NME7: variants seen among roughly 807,000 people sequenced by gnomAD.
NME7 encodes nucleoside diphosphate kinase 7.
In NME7, 41 loss-of-function variants were observed where a neutral mutation model predicts 49.1. The observed-to-expected ratio is 0.83, with a 90% confidence interval of 0.65 to 1.08. The LOEUF is 1.08. Among genes scored for constraint, NME7 ranks in the 50% least tolerant of loss-of-function variants. The pLI, the probability that NME7 is intolerant of heterozygous loss-of-function variation, is 0.00. For missense variants in NME7, 423 were observed against 463.4 expected (o/e 0.91, Z 0.80); for synonymous variants, 139 against 150.6 (o/e 0.92, Z 0.56).
chr1:169,256,966 A>C lies in NME7; in HGVS notation c.755-19279T>G. Among the ~76,000 whole-genome samples the C allele has an allele frequency of 2.4e-5, 3 of 126,510 alleles. 1 individual carries two copies. Among genetic ancestry groups the C allele is most frequent in the Non-Finnish European group, 3.7e-5 (2 of 53,974 alleles). 83.0% of individuals were successfully genotyped at this position (126,510 alleles called of 152,430 possible). The stretch of plus-strand genomic sequence containing the variant: ...GCTGGGAGAACCACTGCTCTCTTCA[A>C]AGCTGTCAGACAGCGACATTTAAGT... On this transcript the variant is annotated intron_variant, in intron 7 of 11. Coordinates refer to ENST00000367811, the MANE Select transcript of NME7 (RefSeq NM_013330.5).
intron 10 of NME7, among the ~76,000 whole-genome samples, chr1:169,173,636 T>TA (rs1659666955): frequency 6.6e-6 from 1 of 152,072 alleles, no homozygotes; most frequent in Non-Finnish European, 1.5e-5. Context: ...ATTGAAATAC[T>TA]AAAAAATACA....
Position 169,272,034 on chromosome 1 carries a change from G to C in NME7, c.754+15269C>G, listed in dbSNP as rs1216491440. On this transcript the variant is annotated intron_variant, in intron 7 of 11. Coordinates refer to ENST00000367811, the MANE Select transcript of NME7 (RefSeq NM_013330.5). Reference sequence around the variant, plus strand: ...GGTTTAGAAATAAAAGGAAAAAAAAGCCTTGGGTTGCCAAAGTTTATTCTG... The same window carrying C: ...GGTTTAGAAATAAAAGGAAAAAAAACCCTTGGGTTGCCAAAGTTTATTCTG... Among the ~76,000 whole-genome samples the C allele has an allele frequency of 1.5e-5, 2 of 131,272 alleles. 1 individual carries two copies. The highest frequency in any genetic ancestry group is 3.6e-5 in the Non-Finnish European group (2 of 56,210). 86.1% of individuals were successfully genotyped at this position (131,272 alleles called of 152,430 possible). A position where few individuals can be genotyped will look rare whatever the true frequency, so the allele number is the denominator to read the frequency against.
intron 7 of NME7, among the ~76,000 whole-genome samples, chr1:169,264,603 A>G (rs1019770260): frequency 7.5e-6 from 1 of 133,414 alleles, no homozygotes; most frequent in Admixed American, 7.3e-5. Context: ...AGGTGCACCC[A>G]GATTCAAAAA....
intron 7 of NME7, among the ~76,000 whole-genome samples, chr1:169,282,208 T>C (rs575159625): frequency 6.6e-6 from 1 of 152,342 alleles, no homozygotes; most frequent in South Asian, 2.1e-4. Flanking sequence ...TTTATCCATT[T>C]CTTCTAGATT....
At chr1:169,332,804 CA>C (rs1379713479) in intron 1 of NME7, among the ~76,000 whole-genome samples, 2 of 151,948 alleles carry the variant, frequency 1.3e-5, no homozygotes, top group Non-Finnish European at 2.9e-5. Flanking sequence ...GGCTCTTATC[CA>C]AAAGACAGGC....
At chr1:169,201,913 G>A (rs1400100016) in intron 10 of NME7, among the ~76,000 whole-genome samples, 1 of 152,096 alleles carries the variant, frequency 6.6e-6, no homozygotes, top group Admixed American at 6.6e-5. Flanking sequence ...CAAAGTTCAG[G>A]TTGAAAACAG....
chr1:169,182,174 T>TA (rs59280361), intron 10 of NME7, among the ~76,000 whole-genome samples: 33,462 of 134,000 alleles, frequency 0.25, 4,227 homozygotes, highest in Admixed American at 0.34. Flanking sequence ...CTAGCTAATT[T>TA]AAAAAAAAAA....
In NME7 at chr1:169,323,156, T is replaced by A. The variant is rs768975713; in HGVS notation, c.239A>T (p.Asp80Val). 55 of 1,607,058 alleles carry A rather than the reference T, an allele frequency of 3.4e-5. No individual in the cohort carries two copies. The highest frequency in any genetic ancestry group is 4.4e-5 in the Non-Finnish European group (52 of 1,177,250). The change falls in exon 3 of 12, where the codon GAT (aspartate) becomes GTT (valine). Residue 80 changes from aspartate (D) to valine (V), a missense_variant. By Grantham distance (152) the Asp-to-Val change is radical (BLOSUM62 -3). Transcript: ENST00000367811. ...GCCCAGCTGGCGAGCTGTATATTGA[T>A]CCCCATAGTCAATTAATACCAGTTG... ...SRQLVLIDYG[D>V]QYTARQLGSR...
At chr1:169,241,625 G>C (rs1035464066) in intron 7 of NME7, among the ~76,000 whole-genome samples, 1 of 151,466 alleles carries the variant, frequency 6.6e-6, no homozygotes, top group Non-Finnish European at 1.5e-5. Flanking sequence ...GCTCACCATA[G>C]AATTATTAGT....
intron 9 of NME7, among the ~76,000 whole-genome samples, chr1:169,232,912 C>CTTTTTTTTTTTTTTTTTTTTTTTTTTTTT (rs10545228): frequency 1.3e-5 from 1 of 74,536 alleles, no homozygotes. Flanking sequence ...GTTTTCTTTT[C>CTTTTTTTTTTTTTTTTTTTTTTTTTTTTT]TTTTTTTTTT....
chr1:169,145,169 T>C (rs1023057409), intron 11 of NME7, among the ~76,000 whole-genome samples: 8 of 152,166 alleles, frequency 5.3e-5, no homozygotes, highest in African/African-American at 1.9e-4. Context: ...CGGAAAGATA[T>C]GTACACTGAT....
chr1:169,335,007 C>A (rs1652402604), intron 1 of NME7, among the ~76,000 whole-genome samples: 1 of 152,096 alleles, frequency 6.6e-6, no homozygotes, highest in Non-Finnish European at 1.5e-5. Context: ...ATCCAAACCA[C>A]AATGAGATAC....
intron 7 of NME7, among the ~76,000 whole-genome samples, chr1:169,255,563 A>C (rs1301099533): frequency 5.5e-4 from 68 of 123,800 alleles, no homozygotes; most frequent in East Asian, 1.9e-3. Flanking sequence ...GTCCATTTAC[A>C]TTTAAAGTTA....
intron 10 of NME7, among the ~76,000 whole-genome samples, chr1:169,172,098 C>T (rs1002238909): frequency 9.4e-5 from 14 of 149,276 alleles, no homozygotes; most frequent in African/African-American, 2.7e-4. Flanking sequence ...AACTAACCAC[C>T]CTGCTTAAGG....
intron 7 of NME7, among the ~76,000 whole-genome samples, chr1:169,280,523 T>A (rs1209094368): frequency 6.7e-6 from 1 of 148,248 alleles, no homozygotes; most frequent in Non-Finnish European, 1.5e-5. Flanking sequence ...AGACATAAAG[T>A]CTTTGCCCAT....
chr1:169,243,617 CAG>C (rs1648181632), intron 7 of NME7, among the ~76,000 whole-genome samples: 1 of 152,108 alleles, frequency 6.6e-6, no homozygotes, highest in African/African-American at 2.4e-5. Flanking sequence ...AAAGAAGCTC[CAG>C]AGAGTTCTCT....
chr1:169,342,709 C>A (rs1337127215), intron 1 of NME7, among the ~76,000 whole-genome samples: 1 of 33,678 alleles, frequency 3.0e-5, no homozygotes, highest in Non-Finnish European at 4.7e-5. Context: ...TATATATATA[C>A]AAGTACATAT....
chr1:169,251,197 G>C (rs181910806), intron 7 of NME7, among the ~76,000 whole-genome samples: 1 of 151,934 alleles, frequency 6.6e-6, no homozygotes, highest in Non-Finnish European at 1.5e-5. Context: ...ATATCTTCTT[G>C]TTGGATTGAT....
intron 8 of NME7, among the ~76,000 whole-genome samples, chr1:169,237,276 A>T (rs1323008892): frequency 2.6e-5 from 4 of 152,082 alleles, no homozygotes; most frequent in African/African-American, 9.7e-5. Context: ...AAGACAGAAA[A>T]CTCATCACAA....
Sources: allele counts gnomAD v4.1 joint callset (sites outside exome capture counted in the v4.1 genomes callset), GRCh38; gene constraint gnomAD v4.1.1; transcripts MANE v1.5; gene names NCBI Gene and HGNC (gene_info 2026-07-23, HGNC 2026-07-21).